C11orf65: variants seen among roughly 807,000 people sequenced by gnomAD.
C11orf65 encodes the protein protein MFI.
In C11orf65, 38 loss-of-function variants were observed where a neutral mutation model predicts 35.3. That is an observed-to-expected ratio of 1.08 (90% CI 0.83 to 1.41). C11orf65 has a LOEUF of 1.41. C11orf65 is among the 40% of genes most tolerant of loss of function. The probability of loss-of-function intolerance (pLI) is 0.00; values close to 1 mark genes in which losing one functional copy is unlikely to be tolerated. For synonymous variants in C11orf65, 105 were observed against 114.4 expected (o/e 0.92, Z 0.53); for missense variants, 370 against 367.1 (o/e 1.01, Z -0.06).
chr11:108,335,893 A>ATG lies in C11orf65; in HGVS notation c.227-603_227-602dup, dbSNP rs1555128432. 1.2e-6 allele frequency: 2 copies of ATG among 1,614,088 alleles called. No individual in the cohort carries two copies. The highest frequency in any genetic ancestry group is 1.7e-6 in the Non-Finnish European group (2 of 1,179,978). ...TGCTGTCATGCAACAGGTCTTCCAG[A>ATG]TGTGTAATACATTACTGCAGAGAAA... is the stretch of plus-strand genomic sequence containing the variant. On this transcript the variant is annotated intron_variant, in intron 2 of 3. Transcript: ENST00000524755.
intron 2 of C11orf65, among the ~76,000 whole-genome samples, chr11:108,438,578 A>G (rs188322503): frequency 6.6e-6 from 1 of 152,192 alleles, no homozygotes; most frequent in East Asian, 1.9e-4. Context: ...AGATCCAAAT[A>G]TAAGAGTTAA....
chr11:108,444,101 G>A (rs1355062552), intron 2 of C11orf65, among the ~76,000 whole-genome samples: 1 of 151,704 alleles, frequency 6.6e-6, no homozygotes, highest in African/African-American at 2.4e-5. Flanking sequence ...AAAGAGAGAA[G>A]AATCAAATAG....
intron 2 of C11orf65, among the ~76,000 whole-genome samples, chr11:108,350,004 T>C (rs1246452544): frequency 1.3e-5 from 2 of 152,036 alleles, no homozygotes; most frequent in Non-Finnish European, 2.9e-5. Flanking sequence ...TGCTGAGAAA[T>C]AGAAAGCATG....
At chr11:108,332,651 C>A in intron 3 of C11orf65, 1 of 1,153,688 alleles carries the variant, frequency 8.7e-7, no homozygotes, top group Non-Finnish European at 1.2e-6. Context: ...TATAATCATT[C>A]CATTGTCTAG....
At chr11:108,378,333 T>C (rs1207883423), downstream of C11orf65, among the ~76,000 whole-genome samples, 3 of 144,874 alleles carry the variant, frequency 2.1e-5, no homozygotes, top group Non-Finnish European at 3.0e-5. Flanking sequence ...GCTGCATATC[T>C]ACAACTATCT....
At position 108,427,486 on chromosome 11, in the gene C11orf65, G is replaced by A. The variant is rs11212625; in HGVS notation, c.174+4260C>T. Among the ~76,000 whole-genome samples, 12 of 150,948 alleles carry A rather than the reference G, an allele frequency of 7.9e-5. No individual in the cohort carries two copies. The East Asian group carries it at 1.4e-3, about 17-fold the overall frequency. The stretch of plus-strand genomic sequence containing the variant: ...TGTAATCCCAGCACTTTGGGAGGCC[G>A]AGACAGGCGGATCACGAGGTCAGGA... On this transcript the variant is annotated intron_variant, in intron 3 of 8. Coordinates refer to ENST00000393084, the MANE Select transcript of C11orf65 (RefSeq NM_152587.5).
At chr11:108,412,570 C>A (rs778102532) in intron 3 of C11orf65, among the ~76,000 whole-genome samples, 1 of 152,026 alleles carries the variant, frequency 6.6e-6, no homozygotes, top group African/African-American at 2.4e-5. Context: ...TCTGACTCCA[C>A]GCAAAAAATT....
chr11:108,421,908 G>A (rs1287273811), intron 3 of C11orf65, among the ~76,000 whole-genome samples: 4 of 152,168 alleles, frequency 2.6e-5, no homozygotes, highest in Admixed American at 2.6e-4. Flanking sequence ...TTAGATTCCA[G>A]AGTTCCAATA....
At chr11:108,363,780 A>T (rs778410887) in intron 2 of C11orf65, among the ~76,000 whole-genome samples, 1 of 152,110 alleles carries the variant, frequency 6.6e-6, no homozygotes, top group Non-Finnish European at 1.5e-5. Context: ...TTCCTCCTTA[A>T]TTCTAATATT....
At chr11:108,438,431 G>C (rs1159933647) in intron 2 of C11orf65, among the ~76,000 whole-genome samples, 1 of 151,772 alleles carries the variant, frequency 6.6e-6, no homozygotes, top group Non-Finnish European at 1.5e-5. Context: ...CACTCCTGTA[G>C]TCCCAGCTAC....
At chr11:108,373,597 C>T (rs528253375) in intron 2 of C11orf65, among the ~76,000 whole-genome samples, 30 of 152,324 alleles carry the variant, frequency 2.0e-4, no homozygotes, top group East Asian at 1.9e-3. Context: ...GTGTGAGCGA[C>T]GCAGAAGACG....
At chr11:108,420,420 C>T (rs2092798841) in intron 3 of C11orf65, among the ~76,000 whole-genome samples, 1 of 152,122 alleles carries the variant, frequency 6.6e-6, no homozygotes, top group African/African-American at 2.4e-5. Flanking sequence ...CTGCTTGGAC[C>T]TCTAAAGTGA....
intron 6 of C11orf65, chr11:108,309,163 T>A (rs1157729242): frequency 1.5e-6 from 1 of 677,358 alleles, no homozygotes. Context: ...TGTTATCCTG[T>A]ACAGTATGTT....
intron 2 of C11orf65, among the ~76,000 whole-genome samples, chr11:108,452,257 A>C (rs2093358151): frequency 1.3e-5 from 2 of 152,170 alleles, no homozygotes; most frequent in African/African-American, 4.8e-5. Flanking sequence ...ATCTACCCAT[A>C]TGACAAAGGG....
chr11:108,360,306 A>G (rs1202211773), intron 2 of C11orf65, among the ~76,000 whole-genome samples: 1 of 152,162 alleles, frequency 6.6e-6, no homozygotes, highest in African/African-American at 2.4e-5. Context: ...AATAATCAAT[A>G]GTTTACCAAA....
At chr11:108,454,301 TC>T (rs1184652944) in intron 2 of C11orf65, among the ~76,000 whole-genome samples, 1 of 147,468 alleles carries the variant, frequency 6.8e-6, no homozygotes, top group African/African-American at 2.5e-5. Context: ...ATTTGAGTCT[TC>T]TTTTTTTTTT....
At position 108,347,383 on chromosome 11, in the gene C11orf65, T is replaced by C. The variant is rs763189977; in HGVS notation, c.227-12091A>G. 16 of 1,538,144 alleles carry C rather than the reference T, an allele frequency of 1.0e-5. No homozygotes were observed. In the Admixed American group the frequency reaches 2.2e-4, roughly 21 times the overall value. On this transcript the variant is annotated intron_variant, in intron 2 of 3. Transcript: ENST00000524755. The stretch of plus-strand genomic sequence containing the variant: ...AGATCTAGGTAAGTAATAAAATCTA[T>C]GTATCTATTCTTTTTAGTAAATATT...
At chr11:108,326,317 G>A in intron 6 of C11orf65, 1 of 1,463,444 alleles carries the variant, frequency 6.8e-7, no homozygotes, top group Non-Finnish European at 9.3e-7. Flanking sequence ...AATTTTATTA[G>A]AGCCTTGAAA....
At position 108,437,628 on chromosome 11, in the gene C11orf65, CG is replaced by C. The variant is rs1430014040; in HGVS notation, c.82-5791del. On this transcript the variant is annotated intron_variant, in intron 2 of 8. Coordinates refer to ENST00000393084, the MANE Select transcript of C11orf65 (RefSeq NM_152587.5). ...CTGAGGCAGGAGAATCGCTTGAATCCGGGAGGCAGAGGCAGAGGTTGCAGTG... is the reference window on the plus strand; with the variant it reads ...CTGAGGCAGGAGAATCGCTTGAATCCGGAGGCAGAGGCAGAGGTTGCAGTG... Among the ~76,000 whole-genome samples the C allele has an allele frequency of 1.4e-3, 192 of 138,896 alleles. 2 individuals are homozygous for C. The highest frequency in any genetic ancestry group is 2.8e-4 in the Non-Finnish European group (18 of 65,338). The allele number at this position is 138,896 out of a possible 152,430, so 91.1% of individuals were successfully genotyped here. A position where few individuals can be genotyped will look rare whatever the true frequency, so the allele number is the denominator to read the frequency against.
Sources: allele counts gnomAD v4.1 joint callset (sites outside exome capture counted in the v4.1 genomes callset), GRCh38; gene constraint gnomAD v4.1.1; transcripts MANE v1.5; gene names NCBI Gene and HGNC (gene_info 2026-07-23, HGNC 2026-07-21).